The following GUCY1A2 variants were observed in gnomAD, a reference collection of about 807,000 sequenced individuals.
GUCY1A2 encodes guanylate cyclase soluble subunit alpha-2.
In GUCY1A2, 27 loss-of-function variants were observed where a neutral mutation model predicts 63.5. That is an observed-to-expected ratio of 0.43 (90% confidence interval 0.31 to 0.59). GUCY1A2 has a LOEUF of 0.59. GUCY1A2 is among the 20% of genes least tolerant of loss of function. The pLI, the probability that GUCY1A2 is intolerant of heterozygous loss-of-function variation, is 0.11. For missense variants in GUCY1A2, 768 were observed against 913.3 expected (o/e 0.84, Z 2.05); for synonymous variants, 364 against 343.5 (o/e 1.06, Z -0.66).
chr11:106,869,371 C>T (rs911736783), intron 4 of GUCY1A2, among the ~76,000 whole-genome samples: 6 of 152,058 alleles, frequency 3.9e-5, no homozygotes, highest in South Asian at 2.1e-4. Context: ...TGACAAAGGG[C>T]GAATATCCAG....
At chr11:106,911,498 A>C (rs866925145) in intron 4 of GUCY1A2, among the ~76,000 whole-genome samples, 16 of 152,276 alleles carry the variant, frequency 1.1e-4, no homozygotes, top group Admixed American at 3.3e-4. Flanking sequence ...AATAAACAGA[A>C]GCAGCAGAAG....
At chr11:106,756,994 T>C (rs981841038) in intron 6 of GUCY1A2, among the ~76,000 whole-genome samples, 24 of 152,224 alleles carry the variant, frequency 1.6e-4, no homozygotes, top group Non-Finnish European at 2.9e-4. Context: ...CGATCAAACG[T>C]AGATTTGGTC....
chr11:106,814,969 G>T (rs1858812039), intron 4 of GUCY1A2, among the ~76,000 whole-genome samples: 2 of 152,000 alleles, frequency 1.3e-5, no homozygotes, highest in Non-Finnish European at 2.9e-5. Context: ...ACACTAAAAT[G>T]AATCAGATGT....
intron 4 of GUCY1A2, among the ~76,000 whole-genome samples, chr11:106,905,699 A>T (rs758545434): frequency 3.9e-5 from 6 of 152,140 alleles, no homozygotes; most frequent in Non-Finnish European, 8.8e-5. Context: ...CCAGGAAAGC[A>T]CAAAGGAGGG....
chr11:106,985,078 AT>A (rs1418020761), intron 2 of GUCY1A2, among the ~76,000 whole-genome samples: 1 of 152,148 alleles, frequency 6.6e-6, no homozygotes, highest in African/African-American at 2.4e-5. Context: ...TGAAAAAAAA[AT>A]CACACTATAC....
At chr11:106,856,397 A>G (rs765486130) in intron 4 of GUCY1A2, among the ~76,000 whole-genome samples, 17 of 152,220 alleles carry the variant, frequency 1.1e-4, no homozygotes, top group Admixed American at 3.9e-4. Flanking sequence ...TATGACAGAA[A>G]GAACCACAGA....
At chr11:106,827,327 C>G (rs1271642162) in intron 4 of GUCY1A2, 3 of 1,554,768 alleles carry the variant, frequency 1.9e-6, no homozygotes, top group Non-Finnish European at 2.7e-6. Context: ...AAGAATTCAG[C>G]TGCTCCTGCA....
At chr11:106,809,168 G>T (rs1858731737) in intron 5 of GUCY1A2, among the ~76,000 whole-genome samples, 1 of 151,892 alleles carries the variant, frequency 6.6e-6, no homozygotes, top group African/African-American at 2.4e-5. Flanking sequence ...ATAAGTAGCT[G>T]GTCAATATGT....
intron 6 of GUCY1A2, among the ~76,000 whole-genome samples, chr11:106,752,980 C>T (rs1369535816): frequency 3.9e-5 from 6 of 152,068 alleles, no homozygotes; most frequent in Admixed American, 3.9e-4. Context: ...CCACCAACAG[C>T]ATAAAAGCAT....
Position 106,708,657 on chromosome 11 carries a change from C to A in GUCY1A2, c.1846G>T (p.Gly616Ter). ...PDGRPIQMRI[G>*]IHSGSVLAGV... is the part of the protein sequence containing the mutation. Reference sequence around the variant, plus strand: ...GCCAGCACGGAGCCTGAGTGAATTCCTATCCTCATCTAAAGAAGAATGAAA... The same window carrying A: ...GCCAGCACGGAGCCTGAGTGAATTCATATCCTCATCTAAAGAAGAATGAAA... Residue 616 changes from glycine (G) to a stop codon, truncating the protein, a stop_gained, in exon 7 of 8, where the codon GGA (glycine) becomes TGA (stop). Coordinates refer to ENST00000526355, the MANE Select transcript of GUCY1A2 (RefSeq NM_000855.3). LOFTEE classifies it high-confidence loss of function. The A allele has an allele frequency of 6.3e-7, 1 of 1,591,826 alleles. No homozygotes were observed. The highest frequency in any genetic ancestry group is 1.1e-5 in the South Asian group (1 of 89,044).
chr11:106,721,595 C>T (rs1863317971), intron 6 of GUCY1A2, among the ~76,000 whole-genome samples: 1 of 152,144 alleles, frequency 6.6e-6, no homozygotes, highest in African/African-American at 2.4e-5. Context: ...TTAGATGGCG[C>T]TCATGTTCAT....
chr11:106,848,561 A>G (rs1387416703), intron 4 of GUCY1A2, among the ~76,000 whole-genome samples: 2 of 151,676 alleles, frequency 1.3e-5, no homozygotes, highest in African/African-American at 4.8e-5. Flanking sequence ...GAAGCACCCC[A>G]AAGTGAGCTA....
At chr11:106,791,662 T>C (rs530756249) in intron 5 of GUCY1A2, among the ~76,000 whole-genome samples, 2 of 152,300 alleles carry the variant, frequency 1.3e-5, no homozygotes, top group Admixed American at 6.5e-5. Flanking sequence ...TACTATCTTT[T>C]ATTTTCAGAA....
At chr11:106,953,102 TG>T (rs1860933390) in intron 3 of GUCY1A2, among the ~76,000 whole-genome samples, 1 of 152,220 alleles carries the variant, frequency 6.6e-6, no homozygotes, top group South Asian at 2.1e-4. Flanking sequence ...ATCCTTGTCT[TG>T]TACCAGTTTT....
At chr11:106,746,456 AAATG>A in intron 6 of GUCY1A2, 1 of 623,840 alleles carries the variant, frequency 1.6e-6, no homozygotes, top group Non-Finnish European at 2.8e-6. Context: ...ATATTTGAAT[AAATG>A]AATAAGGATT....
chr11:106,687,213 G>A lies in GUCY1A2; in HGVS notation c.*336C>T, dbSNP rs1439062683. On this transcript the variant is annotated 3_prime_UTR_variant, in exon 8 of 8. Transcript: ENST00000526355. ...CTCAAAAGTGGTACAAATATATAGG[G>A]AAAGATACTTGTATGTGTGATAAAC... The A allele has an allele frequency of 1.5e-5, 4 of 267,384 alleles. No homozygotes were observed. In the East Asian group the frequency reaches 2.2e-4, roughly 15 times the overall value. 16.6% of individuals were successfully genotyped at this position (267,384 alleles called of 1,614,324 possible). A position where few individuals can be genotyped will look rare whatever the true frequency, so the allele number is the denominator to read the frequency against.
At position 106,708,679 on chromosome 11, in the gene GUCY1A2, GAA is replaced by G; in HGVS notation, c.1837-15_1837-14del. 1 of 1,553,502 alleles carries G rather than the reference GAA, an allele frequency of 6.4e-7. No individual in the cohort carries two copies. Among genetic ancestry groups the G allele is most frequent in the Non-Finnish European group, 8.7e-7 (1 of 1,143,476 alleles). On this transcript the variant is annotated splice_polypyrimidine_tract_variant and intron_variant, in intron 6 of 7. Coordinates refer to ENST00000526355, the MANE Select transcript of GUCY1A2 (RefSeq NM_000855.3). ...TTCCTATCCTCATCTAAAGAAGAATGAAAGAGGAAAAGGAACATATTTGTTTC... is the reference window on the plus strand; with the variant it reads ...TTCCTATCCTCATCTAAAGAAGAATGAGAGGAAAAGGAACATATTTGTTTC...
intron 4 of GUCY1A2, among the ~76,000 whole-genome samples, chr11:106,877,829 G>A (rs375433361): frequency 7.9e-5 from 12 of 152,064 alleles, no homozygotes; most frequent in African/African-American, 2.7e-4. Flanking sequence ...TATCAACAGA[G>A]TAAACAGACA....
Position 106,689,993 on chromosome 11 carries a change from CAAAA to C in GUCY1A2, c.1992-2241_1992-2238del, listed in dbSNP as rs36069018. Among the ~76,000 whole-genome samples, 7 of 106,842 alleles carry C rather than the reference CAAAA, an allele frequency of 6.6e-5. No individual in the cohort carries two copies. In the South Asian group the frequency reaches 2.2e-3, roughly 34 times the overall value. 70.1% of individuals were successfully genotyped at this position (106,842 alleles called of 152,430 possible). On this transcript the variant is annotated intron_variant, in intron 7 of 7. Coordinates refer to ENST00000526355, the MANE Select transcript of GUCY1A2 (RefSeq NM_000855.3). ...TGGGTGACAGAGCGAGACTCAGTCTCAAAAAAAAAAAAAAAGTAAAAAAATAACA... is the reference window on the plus strand; with the variant it reads ...TGGGTGACAGAGCGAGACTCAGTCTCAAAAAAAAAAAGTAAAAAAATAACA...
Sources: gnomAD v4.1 joint callset for allele counts (sites outside exome capture counted in the v4.1 genomes callset) on GRCh38, gnomAD v4.1.1 for gene constraint, MANE v1.5 for transcripts, NCBI Gene and HGNC (gene_info 2026-07-23, HGNC 2026-07-21) for gene names.